Variants in COPG2 observed in about 807,000 individuals in gnomAD.
COPG2 encodes the protein coatomer subunit gamma-2.
A neutral mutation model predicts 46.3 loss-of-function variants in COPG2; 37 were observed. The ratio of observed to expected loss-of-function variants is 0.80; its 90% CI spans 0.61 to 1.05. The LOEUF (loss-of-function observed/expected upper bound fraction) is 1.05, where lower values mean the gene tolerates loss of function less well. Among genes scored for constraint, COPG2 ranks in the 50% least tolerant of loss-of-function variants. The probability of loss-of-function intolerance (pLI) is 0.00; values close to 1 mark genes in which losing one functional copy is unlikely to be tolerated. For missense variants in COPG2, 427 were observed against 387.8 expected (o/e 1.10, Z -0.85); for synonymous variants, 159 against 129.7 (o/e 1.23, Z -1.53).
intron 9 of COPG2, among the ~76,000 whole-genome samples, chr7:130,582,555 C>T (rs1290527071): frequency 2.6e-5 from 4 of 151,486 alleles, no homozygotes; most frequent in South Asian, 2.1e-4. Context: ...TCAGAGTGAA[C>T]AGGCAACCTA....
In COPG2 at chr7:130,542,760, T is replaced by A. The variant is rs1793356942; in HGVS notation, c.2149+4914A>T. Among the ~76,000 whole-genome samples, 203 of 151,996 alleles carry A rather than the reference T, an allele frequency of 1.3e-3. 2 individuals carry two copies. Among genetic ancestry groups the A allele is most frequent in the Non-Finnish European group, 1.5e-4 (10 of 67,970 alleles). On this transcript the variant is annotated intron_variant, in intron 20 of 23. Transcript: ENST00000425248. Reference sequence around the variant, plus strand: ...TAAATTTGATGACGGAAGTTTATGGTAAAAGAAGGGACAGGAGGCAGGTAG... The same window carrying A: ...TAAATTTGATGACGGAAGTTTATGGAAAAAGAAGGGACAGGAGGCAGGTAG...
Position 130,668,651 on chromosome 7 carries a change from G to A in COPG2, c.18C>T (p.Asp6=), listed in dbSNP as rs1259766887. Residue 6 remains aspartate, a synonymous_variant, in exon 1 of 24, where the codon GAC becomes GAT. Coordinates refer to ENST00000425248, the MANE Select transcript of COPG2 (RefSeq NM_012133.6). MIKKF[D]KKDEESGSGS... ...GCGTACCAGACTCCTCGTCCTTCTT[G>A]TCGAATTTTTTAATCATCTTGGACG... 6.5e-7 allele frequency: 1 copy of A among 1,543,262 alleles called. No individual in the cohort carries two copies. Among genetic ancestry groups the A allele is most frequent in the Non-Finnish European group, 8.7e-7 (1 of 1,147,074 alleles).
chr7:130,654,626 C>T (rs781889610), intron 4 of COPG2, among the ~76,000 whole-genome samples: 18 of 152,156 alleles, frequency 1.2e-4, no homozygotes, highest in Middle Eastern at 3.4e-3. Context: ...CTAAGACTCT[C>T]GAATTTCCCA....
At chr7:130,557,774 G>A (rs892140286) in intron 12 of COPG2, among the ~76,000 whole-genome samples, 18 of 119,028 alleles carry the variant, frequency 1.5e-4, no homozygotes, top group African/African-American at 5.2e-4. Flanking sequence ...CAGAGATCAC[G>A]CCGTTGCACT....
chr7:130,572,887 T>C (rs1013778072), intron 9 of COPG2, among the ~76,000 whole-genome samples: 1 of 149,780 alleles, frequency 6.7e-6, no homozygotes, highest in Non-Finnish European at 1.5e-5. Context: ...CACAGAAAAA[T>C]AATAATAAAA....
At chr7:130,595,198 A>C (rs1206644667) in intron 9 of COPG2, among the ~76,000 whole-genome samples, 1 of 152,256 alleles carries the variant, frequency 6.6e-6, no homozygotes, top group East Asian at 1.9e-4. Context: ...AGAAGTACTG[A>C]TAACTTCTAC....
chr7:130,557,442 G>A (rs1000482266), intron 12 of COPG2, among the ~76,000 whole-genome samples: 5 of 152,058 alleles, frequency 3.3e-5, no homozygotes, highest in South Asian at 2.1e-4. Context: ...TGAATTTAAC[G>A]TGATCCCAAC....
Position 130,631,081 on chromosome 7 carries a change from A to T in COPG2, c.324-14016T>A, listed in dbSNP as rs561926340. Reference sequence around the variant, plus strand: ...TGTTTAGAATAGGTGCCTTTAATGTAATTATTGATATGGTTGGGTTGGAGT... The same window carrying T: ...TGTTTAGAATAGGTGCCTTTAATGTTATTATTGATATGGTTGGGTTGGAGT... On this transcript the variant is annotated intron_variant, in intron 5 of 23. Coordinates refer to ENST00000425248, the MANE Select transcript of COPG2 (RefSeq NM_012133.6). 5.3e-5 allele frequency among the ~76,000 whole-genome samples: 8 copies of T among 152,152 alleles called. No individual in the cohort carries two copies. The East Asian group carries it at 1.5e-3, about 29-fold the overall frequency.
intron 9 of COPG2, among the ~76,000 whole-genome samples, chr7:130,575,595 A>T (rs1484818121): frequency 6.6e-6 from 1 of 152,246 alleles, no homozygotes; most frequent in Non-Finnish European, 1.5e-5. Context: ...ATCAAAACAG[A>T]ACCTCTTTAA....
chr7:130,630,950 A>C (rs1795217009), intron 5 of COPG2, among the ~76,000 whole-genome samples: 1 of 152,104 alleles, frequency 6.6e-6, no homozygotes, highest in Non-Finnish European at 1.5e-5. Flanking sequence ...GGACCGCTTG[A>C]GCCCAGGGGT....
At chr7:130,624,886 G>A (rs1795091960) in intron 5 of COPG2, among the ~76,000 whole-genome samples, 1 of 152,172 alleles carries the variant, frequency 6.6e-6, no homozygotes, top group South Asian at 2.1e-4. Context: ...ATGTGCATGT[G>A]TCTTTTTCAT....
At chr7:130,620,261 G>C (rs922109358) in intron 5 of COPG2, among the ~76,000 whole-genome samples, 3 of 151,916 alleles carry the variant, frequency 2.0e-5, no homozygotes, top group Non-Finnish European at 4.4e-5. Flanking sequence ...CAGACACTTA[G>C]GATACTTTAG....
At chr7:130,537,894 G>C (rs1324481197) in intron 20 of COPG2, among the ~76,000 whole-genome samples, 2 of 152,178 alleles carry the variant, frequency 1.3e-5, no homozygotes, top group African/African-American at 4.8e-5. Context: ...TTGGCACCTT[G>C]GAAACATTGA....
At chr7:130,637,619 T>C (rs1311642866) in intron 5 of COPG2, among the ~76,000 whole-genome samples, 2 of 152,194 alleles carry the variant, frequency 1.3e-5, no homozygotes, top group African/African-American at 4.8e-5. Flanking sequence ...ACTTAGCAAC[T>C]CCTCTAACCT....
At chr7:130,604,396 G>A (rs1794692423) in intron 9 of COPG2, among the ~76,000 whole-genome samples, 1 of 151,964 alleles carries the variant, frequency 6.6e-6, no homozygotes, top group Non-Finnish European at 1.5e-5. Flanking sequence ...TCTGTGTAGA[G>A]ATATACACAA....
intron 9 of COPG2, among the ~76,000 whole-genome samples, chr7:130,574,802 T>C (rs1166138216): frequency 6.6e-6 from 1 of 151,656 alleles, no homozygotes; most frequent in Non-Finnish European, 1.5e-5. Flanking sequence ...ATCCAAAAAA[T>C]GATACAAGAA....
chr7:130,620,961 T>TCTGC (rs1554453550), intron 5 of COPG2, among the ~76,000 whole-genome samples: 2 of 152,180 alleles, frequency 1.3e-5, no homozygotes, highest in African/African-American at 2.4e-5. Context: ...TGGCAAAAGG[T>TCTGC]ACTTTGCAGA....
In COPG2 at chr7:130,610,948, C is replaced by T. The variant is rs1794835965; in HGVS notation, c.737+5G>A. On this transcript the variant is annotated splice_donor_5th_base_variant and intron_variant, in intron 9 of 23. Transcript: ENST00000425248. Reference sequence around the variant, plus strand: ...AATAACCCAGGTTTAGGTGAAGACACTTACCCATCCTCAGTTTCTTTTAGT... The same window carrying T: ...AATAACCCAGGTTTAGGTGAAGACATTTACCCATCCTCAGTTTCTTTTAGT... 1 of 1,613,736 alleles carries T rather than the reference C, an allele frequency of 6.2e-7. No homozygotes were observed.
At chr7:130,526,282 T>C (rs1301305460) in intron 20 of COPG2, among the ~76,000 whole-genome samples, 1 of 151,876 alleles carries the variant, frequency 6.6e-6, no homozygotes, top group Admixed American at 6.5e-5. Context: ...AAGGAAAAGT[T>C]TGAGCGGTGA....
Sources: gnomAD v4.1 joint callset for allele counts (sites outside exome capture counted in the v4.1 genomes callset) on GRCh38, gnomAD v4.1.1 for gene constraint, MANE v1.5 for transcripts, NCBI Gene and HGNC (gene_info 2026-07-23, HGNC 2026-07-21) for gene names.